The following ALOX15 variants were observed in gnomAD, a reference collection of about 807,000 sequenced individuals.
The protein encoded by ALOX15 is polyunsaturated fatty acid lipoxygenase ALOX15.
ALOX15 carries 68 observed loss-of-function variants against 71.7 expected under a neutral mutation model. The observed-to-expected ratio is 0.95, with a 90% CI of 0.78 to 1.16. The LOEUF is 1.16. ALOX15 is among the 50% of genes most tolerant of loss of function. The pLI is 0.00. For missense variants in ALOX15, 798 were observed against 818.8 expected, an observed-to-expected ratio of 0.97 and a Z score of 0.31; for synonymous variants, 346 against 333.3, an observed-to-expected ratio of 1.04 and a Z score of -0.42.
In ALOX15 at chr17:4,638,660, G is replaced by A. The variant is rs765375152; in HGVS notation, c.567C>T (p.Asp189=). ...TCCAGCAAGTCAGAACATTTAGAGAGTCTTTGATAGCGAGGTCGGCCAGCC... is the reference window on the plus strand; with the variant it reads ...TCCAGCAAGTCAGAACATTTAGAGAATCTTTGATAGCGAGGTCGGCCAGCC... ...AKGLADLAIK[D]SLNVLTCWKD... is the part of the protein sequence containing the mutation. Residue 189 remains aspartate, a synonymous_variant, in exon 5 of 14, where the codon GAC becomes GAT. Coordinates refer to ENST00000293761, the MANE Select transcript of ALOX15 (RefSeq NM_001140.5). 11 of 1,614,206 alleles carry A rather than the reference G, an allele frequency of 6.8e-6. No homozygotes were observed. The Admixed American group carries it at 1.7e-4, about 24-fold the overall frequency.
Position 4,641,646 on chromosome 17 carries a change from A to T in ALOX15, c.6T>A (p.Gly2=). The T allele has an allele frequency of 6.2e-7, 1 of 1,611,214 alleles. No homozygotes were observed. The highest frequency in any genetic ancestry group is 8.5e-7 in the Non-Finnish European group (1 of 1,179,590). ...CAGTGGACACGCGGATGCGGTAGAG[A>T]CCCATCTTGCTCAAAGATGTTTCGC... The part of the protein sequence containing the change: M[G]LYRIRVSTGA... The change falls in exon 1 of 14, where the codon GGT becomes GGA. Residue 2 remains glycine (G), a synonymous_variant. Transcript: ENST00000293761.
At chr17:4,639,852 C>G in intron 1 of ALOX15, 1 of 539,384 alleles carries the variant, frequency 1.9e-6, no homozygotes, top group Non-Finnish European at 3.3e-6. Flanking sequence ...AAGGTGCGCT[C>G]CTGCCTTCAC....
intron 8 of ALOX15, 47 bp downstream of exon 8, chr17:4,635,712 T>C (rs1911071862): frequency 1.3e-6 from 2 of 1,599,018 alleles, no homozygotes; most frequent in Non-Finnish European, 1.7e-6. Context: ...GAACGTGCCC[T>C]GGGGCAGAGA....
chr17:4,636,901 C>G (rs1567647956), intron 7 of ALOX15, among the ~76,000 whole-genome samples: 1 of 152,254 alleles, frequency 6.6e-6, no homozygotes, highest in East Asian at 1.9e-4. Context: ...TCCTCAGGGA[C>G]TTCCTCAGTC....
At chr17:4,637,822 C>G (rs564379920) in intron 6 of ALOX15, among the ~76,000 whole-genome samples, 1 of 152,138 alleles carries the variant, frequency 6.6e-6, no homozygotes, top group South Asian at 2.1e-4. Flanking sequence ...ATAGCAGAAC[C>G]AGGATTCACA....
chr17:4,641,525 G>A lies in ALOX15; in HGVS notation c.127C>T (p.Arg43Trp), dbSNP rs1337726450. 1.9e-6 allele frequency: 3 copies of A among 1,612,770 alleles called. No homozygotes were observed. Among genetic ancestry groups the A allele is most frequent in the African/African-American group, 1.3e-5 (1 of 75,064 alleles). ...GGCTCTGGGGAGCTCACCTTGCCCC[G>A]TGCGGGCCACAGTCGCTTCCCGAGC... ...AALGKRLWPA[R>W]GKETELKVEV... Residue 43 changes from arginine (R) to tryptophan (W), a missense_variant, in exon 1 of 14, where the codon CGG becomes TGG. This residue lies in a region of ALOX15 where 300 missense variants were observed against 283.1 expected (regional missense o/e 1.06). Transcript: ENST00000293761.
In ALOX15 at chr17:4,632,186, C is replaced by A. The variant is rs1910931590; in HGVS notation, c.1636G>T (p.Gly546Cys). 10 of 1,614,052 alleles carry A rather than the reference C, an allele frequency of 6.2e-6. No individual in the cohort carries two copies. Among genetic ancestry groups the A allele is most frequent in the Non-Finnish European group, 7.6e-6 (9 of 1,180,046 alleles). ...CTGQHASVHL[G>C]QLDWYSWVPN... is the part of the protein sequence containing the mutation. The stretch of plus-strand genomic sequence containing the variant: ...TGCCCATCTCTGGTAAGTACCTGGC[C>A]CAGGTGCACAGAGGCGTGTTGGCCG... Residue 546 changes from glycine (G) to cysteine (C), a missense_variant, in exon 12 of 14, where the codon GGC becomes TGC. Physicochemically the swap from Gly to Cys is radical, Grantham distance 159. This residue lies in a region of ALOX15 where 490 missense variants were observed against 509.4 expected (regional missense o/e 0.96). Coordinates refer to ENST00000293761, the MANE Select transcript of ALOX15 (RefSeq NM_001140.5).
chr17:4,635,548 G>GT (rs1454095705), intron 8 of ALOX15, among the ~76,000 whole-genome samples: 1 of 152,214 alleles, frequency 6.6e-6, no homozygotes, highest in African/African-American at 2.4e-5. Flanking sequence ...TATAAAAAGA[G>GT]TAAGATTATT....
chr17:4,634,983 T>TAAC (rs1348495748), intron 8 of ALOX15, among the ~76,000 whole-genome samples: 4 of 149,240 alleles, frequency 2.7e-5, no homozygotes, highest in African/African-American at 9.8e-5. Context: ...ATAATAATAA[T>TAAC]ATTTTTCACA....
At position 4,635,900 on chromosome 17, in the gene ALOX15, C is replaced by T. The variant is rs368258813; in HGVS notation, c.1020G>A (p.Trp340Ter). 1.2e-6 allele frequency: 2 copies of T among 1,614,112 alleles called. No individual in the cohort carries two copies. Among genetic ancestry groups the T allele is most frequent in the African/African-American group, 2.7e-5 (2 of 74,936 alleles). The change falls in exon 8 of 14, where the codon TGG (tryptophan) becomes TGA (stop). Residue 340 changes from tryptophan (W) to a stop codon, truncating the protein, a stop_gained. Coordinates refer to ENST00000293761, the MANE Select transcript of ALOX15 (RefSeq NM_001140.5). LOFTEE classifies it high-confidence loss of function. Reference protein sequence around the residue: ...LFLPTDPPMAWLLAKCWVRSS... With the variant: ...LFLPTDPPMA The stretch of plus-strand genomic sequence containing the variant: ...TGCGCACCCAGCATTTGGCCAGAAG[C>T]CAGGCCATTGGGGGATCCGTAGGCA...
At chr17:4,636,129 C>T (rs1911087467) in intron 7 of ALOX15, among the ~76,000 whole-genome samples, 161 bp from the exon 8 acceptor site, 1 of 152,340 alleles carries the variant, frequency 6.6e-6, no homozygotes, top group South Asian at 2.1e-4. Context: ...CTCCCCTCCC[C>T]TTCCTGCCCG....
In ALOX15 at chr17:4,641,577, C is replaced by T. The variant is rs776051127; in HGVS notation, c.75G>A (p.Trp25Ter). 5 of 1,613,676 alleles carry T rather than the reference C, an allele frequency of 3.1e-6. No individual in the cohort carries two copies. In the African/African-American group the frequency reaches 4.0e-5, roughly 13 times the overall value. ...CCGCCTCCCCGTGCTGGCCGACCAG[C>T]CACAGCTGCACCTGGTTGTTGGAAC... ...YAGSNNQVQLWLVGQHGEAAL... is the reference protein window; with the variant it reads ...YAGSNNQVQL The change falls in exon 1 of 14, where the codon TGG (tryptophan) becomes TGA (stop). Residue 25 changes from tryptophan to a stop codon, truncating the protein, a stop_gained. Coordinates refer to ENST00000293761, the MANE Select transcript of ALOX15 (RefSeq NM_001140.5). LOFTEE classifies it high-confidence loss of function.
At position 4,638,583 on chromosome 17, in the gene ALOX15, G is replaced by A; in HGVS notation, c.644C>T (p.Ala215Val). 5 of 1,613,952 alleles carry A rather than the reference G, an allele frequency of 3.1e-6. No homozygotes were observed. Among genetic ancestry groups the A allele is most frequent in the Non-Finnish European group, 4.2e-6 (5 of 1,179,908 alleles). The change falls in exon 5 of 14, where the codon GCT becomes GTT. Residue 215 changes from alanine (A) to valine (V), a missense_variant and splice_region_variant. Around this residue, in one of 3 missense-constraint regions of ALOX15, gnomAD observed 300 missense variants for 283.1 expected, o/e 1.06. Transcript: ENST00000293761. The stretch of plus-strand genomic sequence containing the variant: ...ACATACTGGGGTGGGGGACTGACCA[G>A]CCAGCTTGCTCTGACCACACCAGAA... ...RIFWCGQSKLAERVRDSWKED... is the reference protein window; with the variant it reads ...RIFWCGQSKLVERVRDSWKED...
chr17:4,639,675 G>A, intron 1 of ALOX15, 44 bp from the exon 2 acceptor site: 1 of 1,561,762 alleles, frequency 6.4e-7, no homozygotes, highest in Non-Finnish European at 8.7e-7. Flanking sequence ...GGCCTGGCGG[G>A]AGGGGCACCC....
chr17:4,631,503 G>A lies in ALOX15; in HGVS notation c.*97C>T. ...CCCCTCTAGGGAGGGTGGGACATGGGAAGAGGGTGGGACTTGGGAGGGCAG... is the reference window on the plus strand; with the variant it reads ...CCCCTCTAGGGAGGGTGGGACATGGAAAGAGGGTGGGACTTGGGAGGGCAG... On this transcript the variant is annotated 3_prime_UTR_variant, in exon 14 of 14. Coordinates refer to ENST00000293761, the MANE Select transcript of ALOX15 (RefSeq NM_001140.5). 1.4e-6 allele frequency: 2 copies of A among 1,441,574 alleles called. No homozygotes were observed. The highest frequency in any genetic ancestry group is 1.9e-6 in the Non-Finnish European group (2 of 1,070,166). 89.3% of individuals were successfully genotyped at this position (1,441,574 alleles called of 1,614,324 possible).
At position 4,631,771 on chromosome 17, in the gene ALOX15, C is replaced by T. The variant is rs1910906025; in HGVS notation, c.1818G>A (p.Val606=). The T allele has an allele frequency of 1.2e-6, 2 of 1,614,066 alleles. No individual in the cohort carries two copies. Among genetic ancestry groups the T allele is most frequent in the Non-Finnish European group, 1.7e-6 (2 of 1,180,012 alleles). The change falls in exon 14 of 14, where the codon GTG becomes GTA. Residue 606 remains valine, a synonymous_variant. Coordinates refer to ENST00000293761, the MANE Select transcript of ALOX15 (RefSeq NM_001140.5). ...LGRRQPVMVA[V]GQHEEEYFSG... ...AAAAATACTCCTCCTCATGCTGGCC[C>T]ACAGCCACCTGGGAGGGAGAGGAAA...
rs1406311461 is a variant in ALOX15, at chr17:4,631,319, T to A, written c.*281A>T. On this transcript the variant is annotated 3_prime_UTR_variant, in exon 14 of 14. Transcript: ENST00000293761. ...CCTATTCTAGTCTTGAAATGATTTA[T>A]ATAATTGTGGCTATTTGCCATATAG... 6.4e-6 allele frequency: 3 copies of A among 466,116 alleles called. No homozygotes were observed. Among genetic ancestry groups the A allele is most frequent in the Non-Finnish European group, 1.1e-5 (3 of 261,360 alleles). 28.9% of individuals were successfully genotyped at this position (466,116 alleles called of 1,614,324 possible).
intron 8 of ALOX15, 54 bp downstream of exon 8, chr17:4,635,705 C>A (rs543185703): frequency 2.5e-6 from 4 of 1,581,602 alleles, no homozygotes; most frequent in East Asian, 2.2e-5. Context: ...GAGGTCGGAA[C>A]GTGCCCTGGG....
At position 4,632,119 on chromosome 17, in the gene ALOX15, G is replaced by A. The variant is rs1258849714; in HGVS notation, c.1641+62C>T. On this transcript the variant is annotated intron_variant, in intron 12 of 13. Transcript: ENST00000293761. Reference sequence around the variant, plus strand: ...AGCACGCGAGCCCCGTGGTCCACCTGCACACAGACCCCTCCCTCACTCCAG... The same window carrying A: ...AGCACGCGAGCCCCGTGGTCCACCTACACACAGACCCCTCCCTCACTCCAG... The A allele has an allele frequency of 3.9e-5, 63 of 1,612,404 alleles. No homozygotes were observed. In the Middle Eastern group the frequency reaches 6.6e-4, roughly 17 times the overall value.
Sources: allele counts gnomAD v4.1 joint callset (sites outside exome capture counted in the v4.1 genomes callset), GRCh38; gene constraint gnomAD v4.1.1; regional missense constraint gnomAD v4.1.1; transcripts MANE v1.5; gene names NCBI Gene and HGNC (gene_info 2026-07-23, HGNC 2026-07-21).